Variants in PDXDC1 observed in about 807,000 individuals in gnomAD.
PDXDC1 encodes pyridoxal dependent decarboxylase domain containing 1, also known as pyridoxal-dependent decarboxylase domain-containing protein 1.
Under a neutral mutation model 100.1 loss-of-function variants are expected in PDXDC1, and 42 were observed. The observed-to-expected ratio is 0.42, with a 90% CI of 0.33 to 0.54. PDXDC1 has a LOEUF of 0.54. PDXDC1 is among the 20% of genes least tolerant of loss of function. PDXDC1 has a pLI of 0.10. For synonymous variants in PDXDC1, 260 were observed against 371.7 expected, an observed-to-expected ratio of 0.70 and a Z score of 3.46; for missense variants, 636 against 979.2, an observed-to-expected ratio of 0.65 and a Z score of 4.68.
At chr16:15,083,936 G>A (rs996595630) in intron 16 of PDXDC1, among the ~76,000 whole-genome samples, 67 of 152,246 alleles carry the variant, frequency 4.4e-4, no homozygotes, top group African/African-American at 1.5e-3. Context: ...GGCTGGTCTC[G>A]AACTCCCGAC....
intron 16 of PDXDC1, among the ~76,000 whole-genome samples, chr16:15,066,630 C>A (rs2044986452): frequency 7.1e-6 from 1 of 140,906 alleles, no homozygotes; most frequent in South Asian, 2.2e-4. Context: ...AAGACCTTGT[C>A]TCAAATAAAA....
intron 16 of PDXDC1, among the ~76,000 whole-genome samples, chr16:15,087,381 A>G (rs1243436784): frequency 6.6e-6 from 1 of 152,178 alleles, no homozygotes; most frequent in Non-Finnish European, 1.5e-5. Flanking sequence ...AGAACGATTA[A>G]TAAGCAATCT....
intron 16 of PDXDC1, among the ~76,000 whole-genome samples, chr16:15,053,440 GAC>G (rs1249108021): frequency 6.6e-6 from 1 of 152,104 alleles, no homozygotes; most frequent in Non-Finnish European, 1.5e-5. Flanking sequence ...ACATGAAAAA[GAC>G]ACATTATAAA....
chr16:15,007,484 A>G (rs1309986133), intron 6 of PDXDC1, among the ~76,000 whole-genome samples: 7 of 152,250 alleles, frequency 4.6e-5, no homozygotes, highest in African/African-American at 9.6e-5. Flanking sequence ...GAGCATGACT[A>G]TTTTTAAAGT....
rs768118438 is a variant in PDXDC1 at position 15,037,990 on chromosome 16, T to TGTCA, written c.*1717_*1720dup. The TGTCA allele has an allele frequency of 2.0e-6, 3 of 1,507,274 alleles. No individual in the cohort carries two copies. In the East Asian group the frequency reaches 6.8e-5, roughly 34 times the overall value. The allele number at this position is 1,507,274 out of a possible 1,614,324, so 93.4% of individuals were successfully genotyped here. On this transcript the variant is annotated 3_prime_UTR_variant, in exon 23 of 23. Transcript: ENST00000396410. ...ATTCGTGCCAGCCCCACCAATGGTC[T>TGTCA]GTCAGGCCAAGAAGGTGCTTTCTTT... is the stretch of plus-strand genomic sequence containing the variant.
chr16:15,074,757 A>T, intron 16 of PDXDC1: 1 of 1,614,060 alleles, frequency 6.2e-7, no homozygotes, highest in South Asian at 1.1e-5. Flanking sequence ...TGTAGGACAA[A>T]ACCAAAGACA....
intron 16 of PDXDC1, chr16:15,127,467 C>T (rs1016657395): frequency 5.1e-6 from 8 of 1,562,860 alleles, no homozygotes; most frequent in African/African-American, 1.4e-5. Context: ...AGCCCCAGCC[C>T]ACCTTGCTCC....
downstream of PDXDC1, among the ~76,000 whole-genome samples, chr16:15,141,411 G>A (rs1375189514): frequency 6.6e-6 from 1 of 152,250 alleles, no homozygotes; most frequent in Non-Finnish European, 1.5e-5. Flanking sequence ...TGGGCTGGGC[G>A]CCCAGACAGA....
chr16:15,074,665 C>T, intron 16 of PDXDC1: 1 of 1,355,664 alleles, frequency 7.4e-7, no homozygotes, highest in Non-Finnish European at 1.0e-6. Context: ...TGGAAAATGC[C>T]CAGCACAAAG....
At chr16:15,015,940 C>T (rs2041760261) in intron 8 of PDXDC1, 189 bp from the exon 9 acceptor site, 2 of 1,262,260 alleles carry the variant, frequency 1.6e-6, no homozygotes, top group East Asian at 2.6e-5. Flanking sequence ...AGATTACATA[C>T]TCTTCAAAGC....
At chr16:15,040,743 C>T (rs1175143160), downstream of PDXDC1, among the ~76,000 whole-genome samples, 1 of 152,100 alleles carries the variant, frequency 6.6e-6, no homozygotes, top group Non-Finnish European at 1.5e-5. Flanking sequence ...GAAAAGCACG[C>T]CGGGCCTGGG....
intron 4 of PDXDC1, among the ~76,000 whole-genome samples, chr16:15,003,027 T>C (rs1973487685): frequency 1.3e-5 from 2 of 152,276 alleles, no homozygotes; most frequent in Admixed American, 1.3e-4. Flanking sequence ...TTATTCACAG[T>C]TAACAATTGT....
At chr16:15,135,327 G>C (rs2048297882) in intron 16 of PDXDC1, 5 of 1,536,194 alleles carry the variant, frequency 3.3e-6, no homozygotes, top group Non-Finnish European at 3.5e-6. Context: ...CACACGGTGA[G>C]GCTGAAGGTG....
At chr16:15,129,369 C>A (rs971096461) in intron 16 of PDXDC1, among the ~76,000 whole-genome samples, 7 of 151,858 alleles carry the variant, frequency 4.6e-5, no homozygotes, top group African/African-American at 1.7e-4. Context: ...AACCCAGGAG[C>A]TGGAAGTTGC....
At chr16:15,030,381 C>G (rs2042967286) in intron 16 of PDXDC1, among the ~76,000 whole-genome samples, 1 of 152,028 alleles carries the variant, frequency 6.6e-6, no homozygotes, top group South Asian at 2.1e-4. Context: ...CCCGCCCCTA[C>G]TAAGAATACA....
intron 17 of PDXDC1, 70 bp downstream of exon 17, chr16:15,031,976 G>A (rs2043093595): frequency 1.4e-5 from 18 of 1,297,644 alleles, no homozygotes; most frequent in African/African-American, 2.9e-5. Flanking sequence ...GTCATTTTCT[G>A]AACCACCTTA....
intron 8 of PDXDC1, among the ~76,000 whole-genome samples, chr16:15,011,875 G>A (rs2041327776): frequency 1.3e-5 from 2 of 152,258 alleles, no homozygotes; most frequent in South Asian, 4.1e-4. Context: ...TGTTGGCCAG[G>A]CTGGTCTCAA....
chr16:15,009,157 C>T (rs1382921660), intron 7 of PDXDC1, among the ~76,000 whole-genome samples: 3 of 152,288 alleles, frequency 2.0e-5, no homozygotes, highest in Non-Finnish European at 4.4e-5. Flanking sequence ...TGAGTTAGCA[C>T]TGTTGCCTGG....
In PDXDC1 at chr16:15,131,347, T is replaced by G. The variant is rs771331469; in HGVS notation, c.1400-7532T>G. The G allele has an allele frequency of 1.2e-4, 192 of 1,557,398 alleles. 1 individual carries two copies. The Middle Eastern group carries it at 3.4e-3, about 28-fold the overall frequency. ...GGCCACCTTGGTGGAGACGGTGTAG[T>G]TGCTGATATAGCCAAAGGGAAAGGG... On this transcript the variant is annotated intron_variant, in intron 16 of 16. Coordinates refer to the PDXDC1 transcript ENST00000535621.
Sources: gnomAD v4.1 joint callset for allele counts (sites outside exome capture counted in the v4.1 genomes callset) on GRCh38, gnomAD v4.1.1 for gene constraint, MANE v1.5 for transcripts, NCBI Gene and HGNC (gene_info 2026-07-23, HGNC 2026-07-21) for gene names.